The following RYR1 variants were observed in gnomAD, a reference collection of about 807,000 sequenced individuals.
RYR1 encodes ryanodine receptor 1.
Under a neutral mutation model 583.5 loss-of-function variants are expected in RYR1, and 342 were observed. That is an observed-to-expected ratio of 0.59 (90% CI 0.54 to 0.64). RYR1 has a LOEUF of 0.64. Ranked by LOEUF, RYR1 falls within the 30% of genes least tolerant of loss-of-function variation. The pLI is 0.00. For missense variants in RYR1, 6,032 were observed against 6,917.2 expected (o/e 0.87, Z 4.54); for synonymous variants, 2,791 against 2,822.5 (o/e 0.99, Z 0.35).
At chr19:38,447,519 C>G (rs11880285) in intron 9 of RYR1, among the ~76,000 whole-genome samples, 2 of 150,982 alleles carry the variant, frequency 1.3e-5, no homozygotes, top group Non-Finnish European at 2.9e-5. Flanking sequence ...CCAGCCTGGG[C>G]GACAGAGCGA....
intron 1 of RYR1, among the ~76,000 whole-genome samples, chr19:38,434,303 C>T (rs543766451): frequency 6.6e-6 from 1 of 152,178 alleles, no homozygotes; most frequent in Non-Finnish European, 1.5e-5. Flanking sequence ...GAGAAGGGAG[C>T]TGGAGTGAGC....
intron 28 of RYR1, 39 bp downstream of exon 28, chr19:38,473,810 C>G: frequency 6.9e-7 from 1 of 1,438,898 alleles, no homozygotes; most frequent in Non-Finnish European, 9.2e-7. Flanking sequence ...TTGGGGGCTG[C>G]CTTGGGACCC....
At chr19:38,469,835 G>A (rs1014326263) in intron 27 of RYR1, among the ~76,000 whole-genome samples, 3 of 152,112 alleles carry the variant, frequency 2.0e-5, no homozygotes, top group East Asian at 3.9e-4. Flanking sequence ...GGGAGGCTGA[G>A]GCAGGAGGAT....
intron 89 of RYR1, among the ~76,000 whole-genome samples, chr19:38,560,581 T>G (rs1973079843): frequency 6.7e-6 from 1 of 149,414 alleles, no homozygotes; most frequent in African/African-American, 2.5e-5. Flanking sequence ...TACAAAAAAT[T>G]AGCCAGGTGT....
chr19:38,458,392 C>T (rs934693020), intron 18 of RYR1, 100 bp downstream of exon 18: 28 of 1,245,056 alleles, frequency 2.2e-5, no homozygotes, highest in Non-Finnish European at 3.0e-5. Context: ...TCCTGACTCC[C>T]TGAAAAGGTC....
chr19:38,517,672 C>G lies in RYR1; in HGVS notation c.9999C>G (p.Ser3333=). The change falls in exon 66 of 106, where the codon TCC becomes TCG. Residue 3333 remains serine (S), a synonymous_variant. Coordinates refer to ENST00000359596, the MANE Select transcript of RYR1 (RefSeq NM_000540.3). ...IVNNLGIDEA[S]WMKRLAVFAQ... is the part of the protein sequence containing the mutation. Reference sequence around the variant, plus strand: ...ACAACCTGGGCATTGACGAGGCCTCCTGGATGAAGCGGCTGGCTGGTGGGT... The same window carrying G: ...ACAACCTGGGCATTGACGAGGCCTCGTGGATGAAGCGGCTGGCTGGTGGGT... 1 of 1,614,170 alleles carries G rather than the reference C, an allele frequency of 6.2e-7. No homozygotes were observed. Among genetic ancestry groups the G allele is most frequent in the Non-Finnish European group, 8.5e-7 (1 of 1,180,026 alleles).
intron 67 of RYR1, 98 bp downstream of exon 67, chr19:38,519,552 C>T: frequency 7.2e-7 from 1 of 1,396,622 alleles, no homozygotes; most frequent in East Asian, 2.5e-5. Context: ...GAAACTTCTT[C>T]CAATGCTCTG....
chr19:38,522,296 AG>A (rs1321877841), intron 67 of RYR1, among the ~76,000 whole-genome samples: 1 of 152,130 alleles, frequency 6.6e-6, no homozygotes, highest in Non-Finnish European at 1.5e-5. Context: ...GGTTAGACAA[AG>A]TTTTTTAAAA....
rs1356032554 is a variant in RYR1 at position 38,512,084 on chromosome 19, C to T, written c.9185C>T (p.Pro3062Leu). The T allele has an allele frequency of 1.7e-5, 27 of 1,614,024 alleles. No homozygotes were observed. Among genetic ancestry groups the T allele is most frequent in the East Asian group, 4.5e-5 (2 of 44,894 alleles). Residue 3062 changes from proline to leucine, a missense_variant, in exon 62 of 106, where the codon CCA (proline) becomes CTA (leucine). Physicochemically the swap from Pro to Leu is moderately conservative, Grantham distance 98. Coordinates refer to ENST00000359596, the MANE Select transcript of RYR1 (RefSeq NM_000540.3). This position sits in a 1 kb window ranked among gnomAD's most constrained non-coding sequence, Gnocchi z 5.1. ...CTTCCTCTCCCAGGGACAGACGCCC[C>T]AGCTGTGGTCAACTGTCTTCACATC... ...HRVSLFGTDAPAVVNCLHILA... is the reference protein window; with the variant it reads ...HRVSLFGTDALAVVNCLHILA...
In RYR1 at chr19:38,451,613, C is replaced by T. The variant is rs370290983; in HGVS notation, c.1123-151C>T. 4.4e-5 allele frequency: 39 copies of T among 878,676 alleles called. No homozygotes were observed. In the East Asian group the frequency reaches 6.6e-4, roughly 15 times the overall value. 54.4% of individuals were successfully genotyped at this position (878,676 alleles called of 1,614,324 possible). On this transcript the variant is annotated intron_variant, in intron 11 of 105. Transcript: ENST00000359596. ...TCAAAGACACAGAGGAGACAGATGACGGGGGACAGAAAAATGAGGAGGAAT... is the reference window on the plus strand; with the variant it reads ...TCAAAGACACAGAGGAGACAGATGATGGGGGACAGAAAAATGAGGAGGAAT...
chr19:38,456,818 G>A lies in RYR1; in HGVS notation c.1792-679G>A, dbSNP rs574040488. On this transcript the variant is annotated intron_variant, in intron 16 of 105. Transcript: ENST00000359596. ...TCCCAGCACTTTGGGAGGCCAAGGC[G>A]GGCGGATCACGAGGTCAGGAGATCG... Among the ~76,000 whole-genome samples the A allele has an allele frequency of 4.0e-3, 603 of 151,080 alleles. 3 individuals carry two copies. Among genetic ancestry groups the A allele is most frequent in the African/African-American group, 0.014 (581 of 41,366 alleles).
In RYR1 at chr19:38,512,559, G is replaced by A; in HGVS notation, c.9472+76G>A. ...ACCACCCATCCGGGTGCCTGTGAGAGTCCCTGGGTGTTTGAATGTGTGGAT... is the reference window on the plus strand; with the variant it reads ...ACCACCCATCCGGGTGCCTGTGAGAATCCCTGGGTGTTTGAATGTGTGGAT... On this transcript the variant is annotated intron_variant, in intron 63 of 105. Transcript: ENST00000359596. This position sits in a 1 kb window ranked among gnomAD's most constrained non-coding sequence, Gnocchi z 5.1. The A allele has an allele frequency of 1.5e-6, 2 of 1,347,834 alleles. No homozygotes were observed. Among genetic ancestry groups the A allele is most frequent in the South Asian group, 2.3e-5 (2 of 85,700 alleles). 83.5% of individuals were successfully genotyped at this position (1,347,834 alleles called of 1,614,324 possible).
In RYR1 at chr19:38,494,436, T is replaced by C. The variant is rs398123473; in HGVS notation, c.6359T>C (p.Met2120Thr). Residue 2120 changes from methionine to threonine, a missense_variant, in exon 39 of 106, where the codon ATG (methionine) becomes ACG (threonine). Met to Thr is a moderately conservative substitution (Grantham distance 81). This residue lies in a region of RYR1 where 2,627 missense variants were observed against 2,961.3 expected (regional missense o/e 0.89). Coordinates refer to ENST00000359596, the MANE Select transcript of RYR1 (RefSeq NM_000540.3). The part of the protein sequence containing the change: ...FVQSPELVRA[M>T]FSLLHRQYDG... ...CAGAGCCCCGAGCTGGTGCGGGCCA[T>C]GTTCAGCCTCCTGCACCGGCAGTAC... is the stretch of plus-strand genomic sequence containing the variant. 17 of 1,612,314 alleles carry C rather than the reference T, an allele frequency of 1.1e-5. No homozygotes were observed. Among genetic ancestry groups the C allele is most frequent in the African/African-American group, 6.7e-5 (5 of 74,890 alleles).
rs1196800869 is a variant in RYR1, at chr19:38,544,838, G to C, written c.12012+963G>C. Among the ~76,000 whole-genome samples the C allele has an allele frequency of 3.9e-5, 6 of 152,160 alleles. No individual in the cohort carries two copies. The East Asian group carries it at 1.2e-3, about 29-fold the overall frequency. ...AATTCATCCGCCACCATCTAGTCTAGGTTGCAAAAGCTAGAAATCCAGTGC... is the reference window on the plus strand; with the variant it reads ...AATTCATCCGCCACCATCTAGTCTACGTTGCAAAAGCTAGAAATCCAGTGC... On this transcript the variant is annotated intron_variant, in intron 87 of 105. Coordinates refer to ENST00000359596, the MANE Select transcript of RYR1 (RefSeq NM_000540.3).
In RYR1 at chr19:38,506,469, A is replaced by G; in HGVS notation, c.8617-2A>G. The G allele has an allele frequency of 6.2e-7, 1 of 1,614,052 alleles. No individual in the cohort carries two copies. The highest frequency in any genetic ancestry group is 1.1e-5 in the South Asian group (1 of 91,078). On this transcript the variant is annotated splice_acceptor_variant, in intron 55 of 105. Coordinates refer to ENST00000359596, the MANE Select transcript of RYR1 (RefSeq NM_000540.3). LOFTEE classifies it high-confidence loss of function. ...AGCCCTTGACTCTGCATCCACTCCC[A>G]GGCCATGGCAGAACAACTGGCAGAA...
intron 7 of RYR1, among the ~76,000 whole-genome samples, chr19:38,445,074 T>C (rs1425608044): frequency 6.6e-6 from 1 of 151,772 alleles, no homozygotes; most frequent in Admixed American, 6.6e-5. Context: ...CTGGCCAACA[T>C]GGCGAAACCC....
rs746538672 is a variant in RYR1 at position 38,578,184 on chromosome 19, G to A, written c.14344G>A (p.Gly4782Arg). ...TGTCAAGTACCAGATCTGGAAGTTCGGGGTCATCTTCACAGACAACGTGAG... is the reference window on the plus strand; with the variant it reads ...TGTCAAGTACCAGATCTGGAAGTTCAGGGTCATCTTCACAGACAACGTGAG... ...IDVKYQIWKF[G>R]VIFTDNSFLY... The change falls in exon 99 of 106, where the codon GGG becomes AGG. Residue 4782 changes from glycine (G) to arginine (R), a missense_variant. Around this residue, in one of 11 missense-constraint regions of RYR1, gnomAD observed 189 missense variants for 350.3 expected, o/e 0.54. Transcript: ENST00000359596. The A allele has an allele frequency of 3.7e-5, 59 of 1,613,394 alleles. No individual in the cohort carries two copies. The highest frequency in any genetic ancestry group is 8.3e-5 in the Admixed American group (5 of 59,900).
intron 83 of RYR1, 92 bp from the exon 84 acceptor site, chr19:38,537,788 G>T (rs982354203): frequency 5.2e-6 from 6 of 1,150,918 alleles, no homozygotes; most frequent in African/African-American, 4.6e-5. Flanking sequence ...CTTTGTGCAT[G>T]CGTGTGCAGT....
chr19:38,587,429 C>G lies in RYR1; in HGVS notation c.*9C>G. On this transcript the variant is annotated 3_prime_UTR_variant, in exon 106 of 106. Coordinates refer to ENST00000359596, the MANE Select transcript of RYR1 (RefSeq NM_000540.3). Reference sequence around the variant, plus strand: ...AGGACCAGCTTAGCTGACACACCCCCAGCTGGCCCTCCACCCCCACCTCAA... The same window carrying G: ...AGGACCAGCTTAGCTGACACACCCCGAGCTGGCCCTCCACCCCCACCTCAA... The G allele has an allele frequency of 1.2e-6, 2 of 1,609,356 alleles. No individual in the cohort carries two copies. The highest frequency in any genetic ancestry group is 1.7e-6 in the Non-Finnish European group (2 of 1,175,848).
Sources: gnomAD v4.1 joint callset for allele counts (sites outside exome capture counted in the v4.1 genomes callset) on GRCh38, gnomAD v4.1.1 for gene constraint, gnomAD v4.1.1 regional missense constraint, Gnocchi (gnomAD v3.1) non-coding constraint, MANE v1.5 for transcripts, NCBI Gene and HGNC (gene_info 2026-07-23, HGNC 2026-07-21) for gene names.